The following ABLIM3 variants were observed in gnomAD, a reference collection of about 807,000 sequenced individuals.
ABLIM3 encodes actin-binding LIM protein 3.
In ABLIM3, 61 loss-of-function variants were observed where a neutral mutation model predicts 109.5. The observed-to-expected ratio is 0.56, with a 90% CI of 0.45 to 0.69. The LOEUF is 0.69. Among genes scored for constraint, ABLIM3 ranks in the 30% least tolerant of loss-of-function variants. The pLI is 0.00. For synonymous variants in ABLIM3, 300 were observed against 324.8 expected (o/e 0.92, Z 0.82); for missense variants, 796 against 889.5 (o/e 0.89, Z 1.34).
intron 3 of ABLIM3, among the ~76,000 whole-genome samples, chr5:149,188,781 G>A (rs1757214060): frequency 6.6e-6 from 1 of 152,162 alleles, no homozygotes; most frequent in South Asian, 2.1e-4. Context: ...ATATGAATTG[G>A]GGGTGGGGAC....
chr5:149,241,362 A>T (rs1752823133), intron 14 of ABLIM3, among the ~76,000 whole-genome samples: 1 of 152,244 alleles, frequency 6.6e-6, no homozygotes, highest in African/African-American at 2.4e-5. Flanking sequence ...AGGTGCCATA[A>T]ACATAAATAA....
chr5:149,252,384 C>G, intron 22 of ABLIM3, 176 bp downstream of exon 22: 1 of 631,326 alleles, frequency 1.6e-6, no homozygotes, highest in Non-Finnish European at 2.7e-6. Flanking sequence ...TTCCTGAATC[C>G]TGCCCTAGGT....
At chr5:149,207,293 C>T (rs934834095) in intron 6 of ABLIM3, among the ~76,000 whole-genome samples, 159 bp downstream of exon 6, 2 of 152,112 alleles carry the variant, frequency 1.3e-5, no homozygotes, top group East Asian at 1.9e-4. Context: ...CTCTTTCCCC[C>T]GTTGGACCCT....
In ABLIM3 at chr5:149,183,511, C is replaced by G. The variant is rs200588080; in HGVS notation, c.73C>G (p.Arg25Gly). Reference protein sequence around the residue: ...RGSSNVIQCYRCGDTCKGEVV... With the variant: ...RGSSNVIQCYGCGDTCKGEVV... ...CAGCTCCAATGTCATCCAGTGCTACCGCTGTGGAGACACCTGCAAAGGGGA... is the reference window on the plus strand; with the variant it reads ...CAGCTCCAATGTCATCCAGTGCTACGGCTGTGGAGACACCTGCAAAGGGGA... Residue 25 changes from arginine (R) to glycine (G), a missense_variant, in exon 3 of 24, where the codon CGC (arginine) becomes GGC (glycine). By Grantham distance (125) the Arg-to-Gly change is moderately radical (BLOSUM62 -2). Transcript: ENST00000309868. The G allele has an allele frequency of 6.3e-7, 1 of 1,599,512 alleles. No individual in the cohort carries two copies. Among genetic ancestry groups the G allele is most frequent in the African/African-American group, 1.4e-5 (1 of 74,062 alleles).
At chr5:149,204,681 TAAGGCCTA>T (rs1325131435) in intron 5 of ABLIM3, among the ~76,000 whole-genome samples, 1 of 152,216 alleles carries the variant, frequency 6.6e-6, no homozygotes, top group East Asian at 1.9e-4. Flanking sequence ...AGCATTGTGC[TAAGGCCTA>T]ATGGGCCTGA....
intron 8 of ABLIM3, 61 bp downstream of exon 8, chr5:149,217,107 G>T: frequency 6.8e-7 from 1 of 1,460,658 alleles, no homozygotes; most frequent in South Asian, 1.2e-5. Context: ...AAGGAGATGC[G>T]ATCTTCAGGT....
chr5:149,259,287 C>A lies in ABLIM3; in HGVS notation c.*883C>A, dbSNP rs1259566969. On this transcript the variant is annotated 3_prime_UTR_variant, in exon 24 of 24. Transcript: ENST00000309868. Reference sequence around the variant, plus strand: ...ACCCTTCCCTCTTTCAAGGAGAAGCCCATGATTGCAGCTTGTATTCTTTAG... The same window carrying A: ...ACCCTTCCCTCTTTCAAGGAGAAGCACATGATTGCAGCTTGTATTCTTTAG... 4 of 1,364,294 alleles carry A rather than the reference C, an allele frequency of 2.9e-6. No homozygotes were observed. Among genetic ancestry groups the A allele is most frequent in the Non-Finnish European group, 2.8e-6 (3 of 1,058,034 alleles). 84.5% of individuals were successfully genotyped at this position (1,364,294 alleles called of 1,614,324 possible).
At chr5:149,181,284 A>T (rs1003885070) in intron 2 of ABLIM3, among the ~76,000 whole-genome samples, 1 of 150,014 alleles carries the variant, frequency 6.7e-6, no homozygotes, top group Admixed American at 6.7e-5. Flanking sequence ...GAGAATGTTT[A>T]TGAACATTCT....
chr5:149,206,552 C>A lies in ABLIM3; in HGVS notation c.449-456C>A, dbSNP rs1180702484. Among the ~76,000 whole-genome samples, 4 of 152,166 alleles carry A rather than the reference C, an allele frequency of 2.6e-5. 1 individual carries two copies. Among genetic ancestry groups the A allele is most frequent in the Non-Finnish European group, 5.9e-5 (4 of 68,028 alleles). On this transcript the variant is annotated intron_variant, in intron 5 of 23. Transcript: ENST00000309868. Reference sequence around the variant, plus strand: ...AGGGTTTGAAAAACTGTATACTTAGCCCATCCCCAGGAGCAGTGCTTCTTA... The same window carrying A: ...AGGGTTTGAAAAACTGTATACTTAGACCATCCCCAGGAGCAGTGCTTCTTA...
At chr5:149,171,212 GC>G (rs1440223555) in intron 2 of ABLIM3, among the ~76,000 whole-genome samples, 2 of 152,080 alleles carry the variant, frequency 1.3e-5, no homozygotes, top group African/African-American at 4.8e-5. Flanking sequence ...CCCTACCCTA[GC>G]CTGGAACTTC....
intron 3 of ABLIM3, among the ~76,000 whole-genome samples, chr5:149,193,520 CA>C (rs1163197136): frequency 6.6e-6 from 1 of 151,878 alleles, no homozygotes; most frequent in Admixed American, 6.6e-5. Flanking sequence ...ATAGAAATAT[CA>C]AAAAGATGAC....
chr5:149,251,488 G>T, intron 21 of ABLIM3, 69 bp downstream of exon 21: 2 of 1,554,214 alleles, frequency 1.3e-6, no homozygotes, highest in South Asian at 2.3e-5. Context: ...ACTGCAGCTT[G>T]ACCTTCGGCA....
In ABLIM3 at chr5:149,247,918, C is replaced by T. The variant is rs1446824826; in HGVS notation, c.1688C>T (p.Ser563Phe). Residue 563 changes from serine (S) to phenylalanine (F), a missense_variant, in exon 18 of 24, where the codon TCC (serine) becomes TTC (phenylalanine). Coordinates refer to ENST00000309868, the MANE Select transcript of ABLIM3 (RefSeq NM_014945.5). ...CTGCACACAGCTGGCTATGAGATGT[C>T]CCTCAATGGCTGTAAGCATGGCTCT... ...EALHTAGYEM[S>F]LNGSPRSHYL... The T allele has an allele frequency of 6.2e-7, 1 of 1,614,040 alleles. No homozygotes were observed. Among genetic ancestry groups the T allele is most frequent in the East Asian group, 2.2e-5 (1 of 44,890 alleles).
chr5:149,176,483 T>C (rs2127467449), intron 2 of ABLIM3, among the ~76,000 whole-genome samples: 1 of 152,258 alleles, frequency 6.6e-6, no homozygotes, highest in East Asian at 1.9e-4. Flanking sequence ...AGCTTAGTGG[T>C]AAGAGCCCGG....
intron 8 of ABLIM3, among the ~76,000 whole-genome samples, chr5:149,221,444 AT>A (rs1257292359): frequency 6.6e-6 from 1 of 152,068 alleles, no homozygotes; most frequent in African/African-American, 2.4e-5. Context: ...TCCTTGGGAG[AT>A]TCTTTGGGTG....
chr5:149,198,423 G>T lies in ABLIM3; in HGVS notation c.335+21G>T. 3.2e-6 allele frequency: 5 copies of T among 1,586,332 alleles called. No homozygotes were observed. The highest frequency in any genetic ancestry group is 4.3e-6 in the Non-Finnish European group (5 of 1,166,710). ...TGCAGGTGAGTGGGCGACCAGCAGGGCCTGGGACCCTCTGCATAAGCCCCC... is the reference window on the plus strand; with the variant it reads ...TGCAGGTGAGTGGGCGACCAGCAGGTCCTGGGACCCTCTGCATAAGCCCCC... On this transcript the variant is annotated intron_variant, in intron 4 of 23. Coordinates refer to ENST00000309868, the MANE Select transcript of ABLIM3 (RefSeq NM_014945.5). The surrounding 1 kb of genome is among the most constrained non-coding windows in gnomAD (Gnocchi z 4.2).
chr5:149,230,750 T>C lies in ABLIM3; in HGVS notation c.816+43T>C, dbSNP rs1266836532. 4 of 1,607,376 alleles carry C rather than the reference T, an allele frequency of 2.5e-6. No homozygotes were observed. The African/African-American group carries it at 4.0e-5, about 16-fold the overall frequency. On this transcript the variant is annotated intron_variant, in intron 9 of 23. Transcript: ENST00000309868. ...TTCCAGACCAGCACTCCTGCTTTGC[T>C]ACTTTCTGCCACAGGCTAAGGGAGC...
At chr5:149,175,053 A>C (rs1755799632) in intron 2 of ABLIM3, among the ~76,000 whole-genome samples, 1 of 152,224 alleles carries the variant, frequency 6.6e-6, no homozygotes, top group Non-Finnish European at 1.5e-5. Flanking sequence ...CTGACTCAGC[A>C]GTGACAAGAG....
chr5:149,177,735 C>T (rs1054104029), intron 2 of ABLIM3, among the ~76,000 whole-genome samples: 2 of 152,164 alleles, frequency 1.3e-5, no homozygotes, highest in Non-Finnish European at 2.9e-5. Flanking sequence ...GAGCAAAGCT[C>T]AGTGGGTAGC....
Sources: gnomAD v4.1 joint callset for allele counts (sites outside exome capture counted in the v4.1 genomes callset) on GRCh38, gnomAD v4.1.1 for gene constraint, Gnocchi (gnomAD v3.1) non-coding constraint, MANE v1.5 for transcripts, NCBI Gene and HGNC (gene_info 2026-07-23, HGNC 2026-07-21) for gene names.